Variants in MTUS1 observed in about 807,000 individuals in gnomAD.
The protein encoded by MTUS1 is microtubule associated scaffold protein 1, also known as microtubule-associated tumor suppressor 1.
Under a neutral mutation model 120.8 loss-of-function variants are expected in MTUS1, and 109 were observed. That is an observed-to-expected ratio of 0.90 (90% CI 0.77 to 1.06). The LOEUF (loss-of-function observed/expected upper bound fraction) is 1.06. MTUS1 is among the 50% of genes least tolerant of loss of function. The probability of loss-of-function intolerance (pLI) is 0.00; values close to 1 mark genes in which losing one functional copy is unlikely to be tolerated. For missense variants in MTUS1, 2,210 were observed against 1,486.3 expected, an observed-to-expected ratio of 1.49 and a Z score of -8.01; for synonymous variants, 737 against 550.5, an observed-to-expected ratio of 1.34 and a Z score of -4.74.
intron 6 of MTUS1, chr8:17,708,663 T>C (rs1197978699): frequency 6.6e-6 from 1 of 152,214 alleles, no homozygotes; most frequent in East Asian, 1.9e-4. Context: ...GATATTAGGA[T>C]GTACCAGAAA....
intron 3 of MTUS1, among the ~76,000 whole-genome samples, chr8:17,727,662 G>C (rs1314744109): frequency 6.6e-6 from 1 of 152,176 alleles, no homozygotes; most frequent in Non-Finnish European, 1.5e-5. Flanking sequence ...ACTTCTCTGA[G>C]TTACAGTTCC....
chr8:17,668,444 G>T (rs1214423946), intron 8 of MTUS1, among the ~76,000 whole-genome samples: 2 of 152,138 alleles, frequency 1.3e-5, no homozygotes, highest in Non-Finnish European at 2.9e-5. Flanking sequence ...CATGACTCTG[G>T]AAAGAATCTT....
At chr8:17,654,772 T>G in intron 9 of MTUS1, 106 bp from the exon 10 acceptor site, 1 of 752,608 alleles carries the variant, frequency 1.3e-6, no homozygotes, top group East Asian at 2.6e-5. Context: ...CAGGTAAGCG[T>G]GGGCTCTAGT....
At chr8:17,717,768 A>G (rs960564677) in intron 4 of MTUS1, among the ~76,000 whole-genome samples, 1 of 152,080 alleles carries the variant, frequency 6.6e-6, no homozygotes, top group South Asian at 2.1e-4. Flanking sequence ...GCAAAATAGG[A>G]GGTGGTGTGC....
At chr8:17,684,933 C>A (rs931202065) in intron 6 of MTUS1, among the ~76,000 whole-genome samples, 2 of 152,150 alleles carry the variant, frequency 1.3e-5, no homozygotes, top group Non-Finnish European at 2.9e-5. Flanking sequence ...AAGGAACACA[C>A]AAATCACTGG....
intron 4 of MTUS1, among the ~76,000 whole-genome samples, chr8:17,718,549 C>G (rs1822767576): frequency 6.6e-6 from 1 of 152,070 alleles, no homozygotes; most frequent in Non-Finnish European, 1.5e-5. Context: ...AGGCTGGATG[C>G]ATCCTCAGAA....
intron 1 of MTUS1, among the ~76,000 whole-genome samples, chr8:17,773,949 C>G (rs769655837): frequency 1.3e-5 from 2 of 152,114 alleles, no homozygotes; most frequent in Non-Finnish European, 2.9e-5. Context: ...GACTAGGAGG[C>G]ACACCTAACC....
intron 6 of MTUS1, among the ~76,000 whole-genome samples, chr8:17,700,777 C>T (rs888956512): frequency 2.0e-5 from 3 of 151,240 alleles, no homozygotes; most frequent in Admixed American, 6.6e-5. Flanking sequence ...CAAAATGAGC[C>T]GAGTTTTCAT....
intron 6 of MTUS1, among the ~76,000 whole-genome samples, chr8:17,687,021 T>TG (rs1037369622): frequency 6.6e-6 from 1 of 152,190 alleles, no homozygotes; most frequent in African/African-American, 2.4e-5. Flanking sequence ...AATTTTTCCT[T>TG]GGGGAAACTA....
chr8:17,653,540 T>C (rs1807518986), intron 10 of MTUS1, 42 bp from the exon 11 acceptor site: 10 of 1,383,944 alleles, frequency 7.2e-6, no homozygotes, highest in Non-Finnish European at 9.2e-6. Flanking sequence ...TAACATTCTA[T>C]GAGATCAATG....
chr8:17,654,513 G>T, intron 10 of MTUS1, 48 bp downstream of exon 10: 1 of 1,212,864 alleles, frequency 8.2e-7, no homozygotes. Context: ...ACATCATGTG[G>T]TTCCTTCAGA....
At chr8:17,791,458 A>G (rs2051775567) in intron 1 of MTUS1, among the ~76,000 whole-genome samples, 1 of 152,244 alleles carries the variant, frequency 6.6e-6, no homozygotes, top group Non-Finnish European at 1.5e-5. Context: ...TTAGTACTGT[A>G]ATATCCACAA....
At chr8:17,758,600 G>C (rs547208320) in intron 1 of MTUS1, among the ~76,000 whole-genome samples, 32 of 152,226 alleles carry the variant, frequency 2.1e-4, no homozygotes, top group African/African-American at 6.0e-4. Context: ...TTCATTTTTA[G>C]GCTTACATGC....
intron 6 of MTUS1, among the ~76,000 whole-genome samples, chr8:17,685,669 T>A (rs532945715): frequency 6.8e-6 from 1 of 146,750 alleles, no homozygotes; most frequent in South Asian, 2.3e-4. Flanking sequence ...TGGCTAAATA[T>A]ATTGAATAAA....
chr8:17,757,154 T>C (rs2048688303), intron 1 of MTUS1, among the ~76,000 whole-genome samples: 1 of 152,076 alleles, frequency 6.6e-6, no homozygotes, highest in Non-Finnish European at 1.5e-5. Context: ...CACATGCCCA[T>C]CAACTGAAGA....
intron 3 of MTUS1, among the ~76,000 whole-genome samples, chr8:17,731,567 C>T (rs2046583218): frequency 6.6e-6 from 1 of 152,024 alleles, no homozygotes; most frequent in African/African-American, 2.4e-5. Flanking sequence ...GGTCAGTCTT[C>T]TTGAGTAGGG....
chr8:17,743,265 C>CA (rs1352824887), intron 3 of MTUS1, among the ~76,000 whole-genome samples: 1 of 151,998 alleles, frequency 6.6e-6, no homozygotes, highest in African/African-American at 2.4e-5. Flanking sequence ...AGGGACCTAC[C>CA]GTACAACACT....
At chr8:17,752,318 T>C (rs1324766358) in intron 2 of MTUS1, among the ~76,000 whole-genome samples, 1 of 152,244 alleles carries the variant, frequency 6.6e-6, no homozygotes, top group Non-Finnish European at 1.5e-5. Context: ...TTTCTATGTA[T>C]ATCTGTAAAT....
At chr8:17,732,644 C>G (rs1311602969) in intron 3 of MTUS1, among the ~76,000 whole-genome samples, 2 of 152,214 alleles carry the variant, frequency 1.3e-5, no homozygotes, top group African/African-American at 4.8e-5. Context: ...CACATGGCCT[C>G]TTATCAATCA....
Sources: gnomAD v4.1 joint callset for allele counts (sites outside exome capture counted in the v4.1 genomes callset) on GRCh38, gnomAD v4.1.1 for gene constraint, MANE v1.5 for transcripts, NCBI Gene and HGNC (gene_info 2026-07-23, HGNC 2026-07-21) for gene names.